Variants in ATP9B observed in about 807,000 individuals in gnomAD.
The protein encoded by ATP9B is ATPase phospholipid transporting 9B, also known as probable phospholipid-transporting ATPase IIB.
ATP9B carries 110 observed loss-of-function variants against 146.1 expected under a neutral mutation model. The observed-to-expected ratio is 0.75, with a 90% CI of 0.65 to 0.88. The LOEUF is 0.88. Among genes scored for constraint, ATP9B ranks in the 40% least tolerant of loss-of-function variants. The pLI is 0.00. For missense variants in ATP9B, 1,499 were observed against 1,496.4 expected (o/e 1.00, Z -0.03); for synonymous variants, 604 against 569.7 (o/e 1.06, Z -0.86).
chr18:79,209,692 TA>T, intron 10 of ATP9B: 1 of 984,862 alleles, frequency 1.0e-6, no homozygotes, highest in Non-Finnish European at 1.2e-6. Flanking sequence ...AAGACGGCTT[TA>T]AAACCATCCA....
At chr18:79,297,385 C>CAGAG (rs1330174657) in intron 13 of ATP9B, among the ~76,000 whole-genome samples, 1 of 149,820 alleles carries the variant, frequency 6.7e-6, no homozygotes, top group African/African-American at 2.5e-5. Flanking sequence ...AGAGAGAAGA[C>CAGAG]AGATGACCCA....
At chr18:79,235,025 A>C (rs1164748886) in intron 11 of ATP9B, among the ~76,000 whole-genome samples, 1 of 151,996 alleles carries the variant, frequency 6.6e-6, no homozygotes, top group Non-Finnish European at 1.5e-5. Context: ...GGTGCCCATG[A>C]CCATGCCTGG....
At chr18:79,182,867 C>T (rs994557190) in intron 8 of ATP9B, among the ~76,000 whole-genome samples, 5 of 152,176 alleles carry the variant, frequency 3.3e-5, no homozygotes, top group African/African-American at 1.2e-4. Flanking sequence ...GCCCTTCTGC[C>T]ACCTTTAGAT....
intron 2 of ATP9B, among the ~76,000 whole-genome samples, chr18:79,100,895 C>A (rs1399277010): frequency 6.6e-6 from 1 of 152,162 alleles, no homozygotes; most frequent in Non-Finnish European, 1.5e-5. Context: ...GACTCATTCA[C>A]TATCAGGAGA....
chr18:79,376,932 C>A (rs1342100081), intron 29 of ATP9B, among the ~76,000 whole-genome samples: 1 of 152,134 alleles, frequency 6.6e-6, no homozygotes, highest in Non-Finnish European at 1.5e-5. Flanking sequence ...CTCCTGACTT[C>A]AAGTGATCCG....
chr18:79,359,174 G>T (rs2096972033), intron 25 of ATP9B, among the ~76,000 whole-genome samples, 180 bp from the exon 26 acceptor site: 1 of 152,152 alleles, frequency 6.6e-6, no homozygotes. Flanking sequence ...ACATGCTACT[G>T]TGCTCTGAGA....
chr18:79,308,713 T>A (rs36096775), intron 15 of ATP9B, among the ~76,000 whole-genome samples: 1,308 of 11,028 alleles, frequency 0.12, 69 homozygotes, highest in African/African-American at 0.16. Flanking sequence ...TCAGGGGTGG[T>A]GGAGTGATCC....
chr18:79,123,874 A>G (rs1457251803), intron 4 of ATP9B, among the ~76,000 whole-genome samples: 1 of 152,234 alleles, frequency 6.6e-6, no homozygotes, highest in Non-Finnish European at 1.5e-5. Context: ...ACATTTACCC[A>G]AAGAAGATAT....
chr18:79,333,530 T>TA (rs1406209472), intron 17 of ATP9B, among the ~76,000 whole-genome samples: 1 of 152,250 alleles, frequency 6.6e-6, no homozygotes, highest in Non-Finnish European at 1.5e-5. Flanking sequence ...TTTAAAGTTT[T>TA]AAATATACAT....
At chr18:79,197,042 A>G (rs910798647) in intron 9 of ATP9B, among the ~76,000 whole-genome samples, 3 of 152,184 alleles carry the variant, frequency 2.0e-5, no homozygotes, top group Admixed American at 6.5e-5. Flanking sequence ...TTATTTGAGC[A>G]TATATAGGGT....
chr18:79,088,756 CT>C (rs1160251153), intron 1 of ATP9B, among the ~76,000 whole-genome samples: 1 of 152,168 alleles, frequency 6.6e-6, no homozygotes, highest in East Asian at 1.9e-4. Flanking sequence ...GGATACTATG[CT>C]TTTTGCCATG....
At chr18:79,230,971 C>G (rs560766991) in intron 11 of ATP9B, among the ~76,000 whole-genome samples, 3 of 152,136 alleles carry the variant, frequency 2.0e-5, no homozygotes, top group African/African-American at 7.2e-5. Context: ...CATGTAGAAG[C>G]CTCATCTCTC....
chr18:79,327,659 T>G lies in ATP9B; in HGVS notation c.1774-1482T>G, dbSNP rs866553089. 2.4e-3 allele frequency among the ~76,000 whole-genome samples: 251 copies of G among 105,708 alleles called. 1 individual carries two copies. The highest frequency in any genetic ancestry group is 6.2e-3 in the African/African-American group (163 of 26,456). 69.3% of individuals were successfully genotyped at this position (105,708 alleles called of 152,430 possible). On this transcript the variant is annotated intron_variant, in intron 15 of 29. Coordinates refer to ENST00000426216, the MANE Select transcript of ATP9B (RefSeq NM_198531.5). Reference sequence around the variant, plus strand: ...CTCCCTGGTTAGCATGCTCTCCGTGTTTAGCGTGCTCTCCGTGGTTAGCGT... The same window carrying G: ...CTCCCTGGTTAGCATGCTCTCCGTGGTTAGCGTGCTCTCCGTGGTTAGCGT...
At chr18:79,375,866 C>G in intron 29 of ATP9B, 1 of 985,404 alleles carries the variant, frequency 1.0e-6, no homozygotes, top group Non-Finnish European at 1.2e-6. Flanking sequence ...ATCTTTTTAT[C>G]CCATCCGGCA....
intron 2 of ATP9B, among the ~76,000 whole-genome samples, chr18:79,102,669 C>A (rs1183215757): frequency 6.6e-6 from 1 of 152,112 alleles, no homozygotes; most frequent in Non-Finnish European, 1.5e-5. Context: ...TCTACAAAAT[C>A]CTTACTAGGA....
At chr18:79,332,000 C>T (rs1293544236) in intron 17 of ATP9B, among the ~76,000 whole-genome samples, 1 of 152,182 alleles carries the variant, frequency 6.6e-6, no homozygotes, top group Non-Finnish European at 1.5e-5. Flanking sequence ...CTCCCCAACA[C>T]GTAACTGCTG....
intron 1 of ATP9B, among the ~76,000 whole-genome samples, chr18:79,095,273 G>C (rs1396044780): frequency 6.6e-6 from 1 of 152,076 alleles, no homozygotes; most frequent in African/African-American, 2.4e-5. Flanking sequence ...TACTAACCAA[G>C]CTTGCTGCCT....
At position 79,207,010 on chromosome 18, in the gene ATP9B, C is replaced by G; in HGVS notation, c.1028C>G (p.Ser343Ter). Residue 343 changes from serine (S) to a stop codon, truncating the protein, a stop_gained and splice_region_variant, in exon 10 of 30, where the codon TCA becomes TGA. Transcript: ENST00000426216. LOFTEE classifies it high-confidence loss of function. ...TTGTGGGCAAGCACCATTGTTGCAT[C>G]AGGTAAGGAAAACATTCTCCTCTGA... ...NTLWASTIVA[S>*]GTVIGVVIYT... 6.2e-7 allele frequency: 1 copy of G among 1,613,540 alleles called. No individual in the cohort carries two copies. The highest frequency in any genetic ancestry group is 8.5e-7 in the Non-Finnish European group (1 of 1,179,486).
chr18:79,297,217 A>AACACAC (rs2096557508), intron 13 of ATP9B, among the ~76,000 whole-genome samples: 1 of 142,138 alleles, frequency 7.0e-6, no homozygotes, highest in African/African-American at 2.8e-5. Flanking sequence ...ACCCAGAGAG[A>AACACAC]AGACAGAGAG....
Sources: gnomAD v4.1 joint callset for allele counts (sites outside exome capture counted in the v4.1 genomes callset) on GRCh38, gnomAD v4.1.1 for gene constraint, MANE v1.5 for transcripts, NCBI Gene and HGNC (gene_info 2026-07-23, HGNC 2026-07-21) for gene names.